Variants in MYH14 observed in about 807,000 individuals in gnomAD.
MYH14 encodes the protein myosin-14.
Under a neutral mutation model 255.5 loss-of-function variants are expected in MYH14, and 123 were observed. The ratio of observed to expected loss-of-function variants is 0.48; its 90% CI spans 0.42 to 0.56. The LOEUF (loss-of-function observed/expected upper bound fraction) is 0.56, where lower values mean the gene tolerates loss of function less well. Ranked by LOEUF, MYH14 falls within the 20% of genes least tolerant of loss-of-function variation. The pLI is 0.00. For synonymous variants in MYH14, 1,095 were observed against 1,161.2 expected, an observed-to-expected ratio of 0.94 and a Z score of 1.16; for missense variants, 2,423 against 2,802.3, an observed-to-expected ratio of 0.86 and a Z score of 3.06.
chr19:50,227,595 C>A (rs1462542688), intron 8 of MYH14, among the ~76,000 whole-genome samples: 2 of 152,196 alleles, frequency 1.3e-5, no homozygotes, highest in African/African-American at 4.8e-5. Flanking sequence ...GGAACCCTCC[C>A]GAAATCCAGG....
At chr19:50,302,582 A>T (rs548524710) in intron 40 of MYH14, among the ~76,000 whole-genome samples, 3 of 134,986 alleles carry the variant, frequency 2.2e-5, no homozygotes, top group East Asian at 2.1e-4. Flanking sequence ...GACTCCATTT[A>T]AAAAAAAAAA....
At chr19:50,248,131 G>C (rs1444801933) in intron 12 of MYH14, among the ~76,000 whole-genome samples, 1 of 152,088 alleles carries the variant, frequency 6.6e-6, no homozygotes, top group Admixed American at 6.6e-5. Flanking sequence ...GAAGAGCAAG[G>C]GAGAGAGGGT....
intron 10 of MYH14, among the ~76,000 whole-genome samples, chr19:50,233,587 T>G (rs535316751): frequency 5.9e-5 from 9 of 152,234 alleles, no homozygotes; most frequent in African/African-American, 1.9e-4. Context: ...CAACAGAAAT[T>G]GATTGTCTTG....
chr19:50,291,148 A>G (rs987357723), intron 36 of MYH14, 100 bp downstream of exon 36: 1 of 1,196,750 alleles, frequency 8.4e-7, no homozygotes, highest in Non-Finnish European at 1.2e-6. Context: ...CTCGCTCTCA[A>G]CCCACAGGCA....
At chr19:50,307,314 A>G (rs1338686169) in intron 41 of MYH14, among the ~76,000 whole-genome samples, 157 bp downstream of exon 41, 2 of 152,214 alleles carry the variant, frequency 1.3e-5, no homozygotes, top group Non-Finnish European at 2.9e-5. Flanking sequence ...CACTTGGCAC[A>G]TCAGCAGAGG....
intron 16 of MYH14, among the ~76,000 whole-genome samples, chr19:50,254,704 A>G (rs1034101273): frequency 6.6e-6 from 1 of 152,228 alleles, no homozygotes; most frequent in Non-Finnish European, 1.5e-5. Context: ...GACACAGGCA[A>G]AGGGTGTCAA....
In MYH14 at chr19:50,255,304, T is replaced by C. The variant is rs925435537; in HGVS notation, c.2030T>C (p.Ile677Thr). 3 of 1,551,152 alleles carry C rather than the reference T, an allele frequency of 1.9e-6. No individual in the cohort carries two copies. Among genetic ancestry groups the C allele is most frequent in the Non-Finnish European group, 1.7e-6 (2 of 1,146,878 alleles). Residue 677 changes from isoleucine (I) to threonine (T), a missense_variant, in exon 17 of 43, where the codon ATT becomes ACT. Around this residue, in one of 3 missense-constraint regions of MYH14, gnomAD observed 672 missense variants for 881.8 expected, o/e 0.76. Transcript: ENST00000642316. ...TCTGCAGAGAGGTGCAGCTCTGCTA[T>C]TTCTCCGCCAGGGGGTGGGTGTCTC... ...PGSAERCSSA[I>T]SPPGVEGIVG...
rs773685557 is a variant in MYH14, at chr19:50,223,315, C to T, written c.659C>T (p.Ser220Leu). 1.5e-5 allele frequency: 24 copies of T among 1,589,680 alleles called. No homozygotes were observed. The highest frequency in any genetic ancestry group is 1.6e-4 in the Middle Eastern group (1 of 6,064). The change falls in exon 5 of 43, where the codon TCG (serine) becomes TTG (leucine). Residue 220 changes from serine (S) to leucine (L), a missense_variant. Around this residue, in one of 3 missense-constraint regions of MYH14, gnomAD observed 672 missense variants for 881.8 expected, o/e 0.76. Transcript: ENST00000642316. The stretch of plus-strand genomic sequence containing the variant: ...ATCCAGTACCTCGCCCACGTGGCGT[C>T]GTCTCCAAAGGGCAGGAAGGAGCCG... ...KVIQYLAHVA[S>L]SPKGRKEPGV...
intron 2 of MYH14, 122 bp from the exon 3 acceptor site, chr19:50,217,493 G>A (rs2032542595): frequency 9.3e-7 from 1 of 1,075,204 alleles, no homozygotes; most frequent in Admixed American, 1.7e-5. Context: ...CATTGTTATG[G>A]TGTAGACATA....
chr19:50,229,632 C>T (rs958815799), intron 8 of MYH14, among the ~76,000 whole-genome samples: 28 of 151,942 alleles, frequency 1.8e-4, no homozygotes, highest in Non-Finnish European at 2.2e-4. Flanking sequence ...AGAGCCAGAC[C>T]CTGTCTAAAA....
rs1321001529 is a variant in MYH14 at position 50,257,338 on chromosome 19, G to A, written c.2084G>A (p.Gly695Asp). The A allele has an allele frequency of 6.2e-7, 1 of 1,609,624 alleles. No individual in the cohort carries two copies. The highest frequency in any genetic ancestry group is 2.2e-5 in the East Asian group (1 of 44,782). Residue 695 changes from glycine to aspartate, a missense_variant, in exon 18 of 43, where the codon GGC becomes GAC. By Grantham distance (94) the Gly-to-Asp change is moderately conservative. Around this residue, in one of 3 missense-constraint regions of MYH14, gnomAD observed 672 missense variants for 881.8 expected, o/e 0.76. Transcript: ENST00000642316. ...GGGCTGGAACAGGTGAGCAGCCTGGGCGACGGCCCACCAGGTGGCCGCCCC... is the reference window on the plus strand; with the variant it reads ...GGGCTGGAACAGGTGAGCAGCCTGGACGACGGCCCACCAGGTGGCCGCCCC... ...IVGLEQVSSLGDGPPGGRPRR... is the reference protein window; with the variant it reads ...IVGLEQVSSLDDGPPGGRPRR...
Position 50,281,857 on chromosome 19 carries a change from T to A in MYH14, c.4539+15T>A. ...AGTTTGACCAGGTGGGGCACCTCAG[T>A]TCACCCAGCCGGGGAATCAGCAAGT... On this transcript the variant is annotated intron_variant, in intron 33 of 42. Coordinates refer to ENST00000642316, the MANE Select transcript of MYH14 (RefSeq NM_001145809.2). The A allele has an allele frequency of 6.2e-7, 1 of 1,605,102 alleles. No homozygotes were observed. Among genetic ancestry groups the A allele is most frequent in the African/African-American group, 1.3e-5 (1 of 74,880 alleles).
chr19:50,297,491 CTTTTTTTT>C (rs869049808), intron 39 of MYH14, among the ~76,000 whole-genome samples: 4 of 74,324 alleles, frequency 5.4e-5, no homozygotes, highest in African/African-American at 1.5e-4. Flanking sequence ...CTCATCTCCT[CTTTTTTTT>C]TTTTTTTTTT....
At chr19:50,272,088 G>T in intron 26 of MYH14, 116 bp downstream of exon 26, 1 of 1,393,962 alleles carries the variant, frequency 7.2e-7, no homozygotes, top group African/African-American at 1.4e-5. Flanking sequence ...TAGGAAGGAA[G>T]GCTCAGGGCA....
Position 50,309,989 on chromosome 19 carries a change from G to A in MYH14, c.*199G>A. 1.5e-6 allele frequency: 1 copy of A among 675,746 alleles called. No individual in the cohort carries two copies. Among genetic ancestry groups the A allele is most frequent in the Non-Finnish European group, 2.6e-6 (1 of 385,338 alleles). The allele number at this position is 675,746 out of a possible 1,614,324, so 41.9% of individuals were successfully genotyped here. On this transcript the variant is annotated 3_prime_UTR_variant, in exon 43 of 43. Coordinates refer to ENST00000642316, the MANE Select transcript of MYH14 (RefSeq NM_001145809.2). The stretch of plus-strand genomic sequence containing the variant: ...ATGACCCCTAAACACAGAGGAGCGG[G>A]GCAGGCAGGGAGGCAATGACTGGAG...
chr19:50,280,389 C>T lies in MYH14; in HGVS notation c.4290+6C>T. On this transcript the variant is annotated splice_donor_region_variant and intron_variant, in intron 32 of 42. Coordinates refer to ENST00000642316, the MANE Select transcript of MYH14 (RefSeq NM_001145809.2). The surrounding 1 kb of genome is among the most constrained non-coding windows in gnomAD (Gnocchi z 4.8). ...TGCAGACTGCCCAGGCCCAGGTGAG[C>T]AGCCCTACGTAAGACCTTCAGGGAG... 1.3e-6 allele frequency: 2 copies of T among 1,531,178 alleles called. No individual in the cohort carries two copies. Among genetic ancestry groups the T allele is most frequent in the Non-Finnish European group, 1.8e-6 (2 of 1,135,140 alleles). The allele number at this position is 1,531,178 out of a possible 1,614,324, so 94.8% of individuals were successfully genotyped here.
intron 34 of MYH14, 29 bp from the exon 35 acceptor site, chr19:50,289,407 A>G (rs1258162083): frequency 1.9e-6 from 3 of 1,576,728 alleles, no homozygotes; most frequent in Non-Finnish European, 2.6e-6. Context: ...TCAGTGACCC[A>G]GGTACCCAGC....
chr19:50,267,220 G>A (rs1345224858), intron 23 of MYH14, among the ~76,000 whole-genome samples: 2 of 151,794 alleles, frequency 1.3e-5, no homozygotes, highest in Non-Finnish European at 2.9e-5. Context: ...CAGGGAGCAG[G>A]GCCCTGGGGG....
chr19:50,260,636 C>G lies in MYH14; in HGVS notation c.2355-10C>G. On this transcript the variant is annotated splice_polypyrimidine_tract_variant and intron_variant, in intron 19 of 42. Coordinates refer to ENST00000642316, the MANE Select transcript of MYH14 (RefSeq NM_001145809.2). ...ACTCTCTCCTCCCCACCCCTCCCTG[C>G]TCATTGCAGATACGAGATCCTGACA... 6.2e-7 allele frequency: 1 copy of G among 1,609,138 alleles called. No individual in the cohort carries two copies. The highest frequency in any genetic ancestry group is 8.5e-7 in the Non-Finnish European group (1 of 1,176,006).
Sources: gnomAD v4.1 joint callset for allele counts (sites outside exome capture counted in the v4.1 genomes callset) on GRCh38, gnomAD v4.1.1 for gene constraint, gnomAD v4.1.1 regional missense constraint, Gnocchi (gnomAD v3.1) non-coding constraint, MANE v1.5 for transcripts, NCBI Gene and HGNC (gene_info 2026-07-23, HGNC 2026-07-21) for gene names.